Variants in RASSF8 observed in about 807,000 individuals in gnomAD.
RASSF8 encodes the protein ras association domain-containing protein 8.
A neutral mutation model predicts 48.5 loss-of-function variants in RASSF8; 22 were observed. The ratio of observed to expected loss-of-function variants is 0.45; its 90% CI spans 0.32 to 0.65. The LOEUF is 0.65. Among genes scored for constraint, RASSF8 ranks in the 30% least tolerant of loss-of-function variants. The probability of loss-of-function intolerance (pLI) is 0.03; values close to 1 mark genes in which losing one functional copy is unlikely to be tolerated. For missense variants in RASSF8, 418 were observed against 489.2 expected (o/e 0.85, Z 1.37); for synonymous variants, 127 against 171.5 (o/e 0.74, Z 2.03).
rs576368939 is a variant in RASSF8, at chr12:26,019,088, G to T, written c.-109+23958G>T. Among the ~76,000 whole-genome samples, 4 of 152,312 alleles carry T rather than the reference G, an allele frequency of 2.6e-5. No individual in the cohort carries two copies. In the East Asian group the frequency reaches 7.7e-4, roughly 29 times the overall value. On this transcript the variant is annotated intron_variant, in intron 2 of 5. Transcript: ENST00000689635. ...TTGCACAAAGGTGACTGAGTAGTTA[G>T]TTGGCTCAGGTTATTATGGAGTGAT...
At chr12:25,967,095 G>A (rs1941377081) in intron 1 of RASSF8, among the ~76,000 whole-genome samples, 1 of 152,158 alleles carries the variant, frequency 6.6e-6, no homozygotes, top group Admixed American at 6.5e-5. Context: ...TATTGTATCA[G>A]TTGATATACA....
At chr12:26,055,967 C>G (rs1190955697) in intron 3 of RASSF8, among the ~76,000 whole-genome samples, 1 of 152,182 alleles carries the variant, frequency 6.6e-6, no homozygotes, top group Non-Finnish European at 1.5e-5. Flanking sequence ...AGGCAGATCA[C>G]TTGAGGTCAG....
At position 26,047,647 on chromosome 12, in the gene RASSF8, A is replaced by T. The variant is rs562842310; in HGVS notation, c.-108-7589A>T. ...GGCTGCCAGCTATGAAAGGCGAGAC[A>T]TATTAATGCTTTGAATGAAACTATG... is the stretch of plus-strand genomic sequence containing the variant. On this transcript the variant is annotated intron_variant, in intron 2 of 5. Coordinates refer to ENST00000689635, the MANE Select transcript of RASSF8 (RefSeq NM_001394098.1). Among the ~76,000 whole-genome samples the T allele has an allele frequency of 3.9e-5, 6 of 152,144 alleles. No homozygotes were observed. The South Asian group carries it at 1.2e-3, about 31-fold the overall frequency.
intron 2 of RASSF8, among the ~76,000 whole-genome samples, chr12:26,047,217 G>T (rs1591797848): frequency 6.6e-6 from 1 of 152,106 alleles, no homozygotes; most frequent in African/African-American, 2.4e-5. Context: ...GAGCCCAATG[G>T]TATATTATTT....
intron 2 of RASSF8, among the ~76,000 whole-genome samples, chr12:26,047,527 G>A (rs747135884): frequency 2.6e-5 from 4 of 152,132 alleles, no homozygotes; most frequent in African/African-American, 4.8e-5. Context: ...TGGCTCTGCC[G>A]TCACCTGTGC....
intron 1 of RASSF8, among the ~76,000 whole-genome samples, chr12:25,994,401 A>G (rs778363824): frequency 1.3e-5 from 2 of 152,170 alleles, no homozygotes; most frequent in Non-Finnish European, 2.9e-5. Context: ...AATTGCGTCA[A>G]TTCCCATCTT....
At chr12:26,061,324 G>T (rs1332788079) in intron 3 of RASSF8, among the ~76,000 whole-genome samples, 2 of 151,978 alleles carry the variant, frequency 1.3e-5, no homozygotes, top group Non-Finnish European at 2.9e-5. Flanking sequence ...CTGTTATCCT[G>T]TTTTCTTTTA....
rs200486102 is a variant in RASSF8 at position 26,055,380 on chromosome 12, A to G, written c.37A>G (p.Ile13Val). ...LKVWVDGVQR[I>V]VCGVTEVTTC... ...AGTATGGGTGGATGGAGTTCAGAGG[A>G]TTGTTTGTGGAGTCACTGAAGTCAC... is the stretch of plus-strand genomic sequence containing the variant. The change falls in exon 3 of 6, where the codon ATT becomes GTT. Residue 13 changes from isoleucine to valine, a missense_variant. Transcript: ENST00000689635. 2 of 1,614,074 alleles carry G rather than the reference A, an allele frequency of 1.2e-6. No homozygotes were observed. The highest frequency in any genetic ancestry group is 1.7e-6 in the Non-Finnish European group (2 of 1,179,966).
At chr12:25,992,583 T>C (rs947753173) in intron 1 of RASSF8, among the ~76,000 whole-genome samples, 1 of 152,106 alleles carries the variant, frequency 6.6e-6, no homozygotes, top group African/African-American at 2.4e-5. Flanking sequence ...AGTTGGAGTT[T>C]GGCCAGCACA....
chr12:26,044,668 A>C (rs16929950), intron 2 of RASSF8, among the ~76,000 whole-genome samples: 5,863 of 152,258 alleles, frequency 0.039, 528 homozygotes, highest in East Asian at 0.27. Flanking sequence ...ATAGAGTACC[A>C]CTTTAATCAG....
At chr12:26,003,408 CT>C (rs1332122244) in intron 2 of RASSF8, among the ~76,000 whole-genome samples, 2 of 151,748 alleles carry the variant, frequency 1.3e-5, no homozygotes, top group East Asian at 3.9e-4. Context: ...TATTGCAGAC[CT>C]TTGTCTCTGT....
In RASSF8 at chr12:26,021,184, C is replaced by CA. The variant is rs529613137; in HGVS notation, c.-109+26064dup. ...AAACATAATTGGTAAAAACTATTTT[C>CA]AAAAAAAAAATAATAAAATTACTGG... On this transcript the variant is annotated intron_variant, in intron 2 of 5. Transcript: ENST00000689635. 4.1e-3 allele frequency among the ~76,000 whole-genome samples: 602 copies of CA among 147,772 alleles called. 1 individual carries two copies. The highest frequency in any genetic ancestry group is 8.1e-3 in the Admixed American group (121 of 14,908).
At chr12:25,971,371 C>G (rs952796520) in intron 1 of RASSF8, among the ~76,000 whole-genome samples, 8 of 152,168 alleles carry the variant, frequency 5.3e-5, no homozygotes, top group Non-Finnish European at 1.2e-4. Flanking sequence ...TGGTTATGCA[C>G]AGCCTTTCTG....
intron 2 of RASSF8, among the ~76,000 whole-genome samples, chr12:26,006,218 C>T (rs1319242628): frequency 1.3e-5 from 2 of 152,164 alleles, no homozygotes; most frequent in African/African-American, 4.8e-5. Flanking sequence ...TTCAGGATGT[C>T]CCAAGGAACT....
chr12:25,991,031 A>G (rs893211218), intron 1 of RASSF8, among the ~76,000 whole-genome samples: 3 of 152,302 alleles, frequency 2.0e-5, no homozygotes, highest in Middle Eastern at 3.4e-3. Context: ...TAACCAGAGC[A>G]ATAAACTCTT....
At chr12:26,000,268 T>C (rs1942224438) in intron 2 of RASSF8, among the ~76,000 whole-genome samples, 1 of 152,132 alleles carries the variant, frequency 6.6e-6, no homozygotes, top group Non-Finnish European at 1.5e-5. Flanking sequence ...AATGTAAAAA[T>C]GTAGTAATAC....
chr12:25,965,259 A>C (rs1232806738), intron 1 of RASSF8, among the ~76,000 whole-genome samples: 1 of 151,846 alleles, frequency 6.6e-6, no homozygotes, highest in Non-Finnish European at 1.5e-5. Flanking sequence ...CTTTATTGAG[A>C]TATCATTGAC....
Position 26,070,992 on chromosome 12 carries a change from TC to T in RASSF8, c.*2175del, listed in dbSNP as rs1943987522. 6.1e-6 allele frequency: 6 copies of T among 984,990 alleles called. No homozygotes were observed. The Admixed American group carries it at 3.7e-4, about 61-fold the overall frequency. 61.0% of individuals were successfully genotyped at this position (984,990 alleles called of 1,614,324 possible). Reference sequence around the variant, plus strand: ...TCCCAGCAGAGTATCACAGTTAACCTCTCTGACAACTTCATCAGAATTTCCA... The same window carrying T: ...TCCCAGCAGAGTATCACAGTTAACCTTCTGACAACTTCATCAGAATTTCCA... On this transcript the variant is annotated 3_prime_UTR_variant, in exon 6 of 6. Transcript: ENST00000689635.
intron 2 of RASSF8, among the ~76,000 whole-genome samples, chr12:26,045,436 A>G (rs1369831236): frequency 6.6e-6 from 1 of 152,104 alleles, no homozygotes; most frequent in African/African-American, 2.4e-5. Flanking sequence ...ATTTTCCTTA[A>G]TCTTACATAT....
Sources: gnomAD v4.1 joint callset for allele counts (sites outside exome capture counted in the v4.1 genomes callset) on GRCh38, gnomAD v4.1.1 for gene constraint, MANE v1.5 for transcripts, NCBI Gene and HGNC (gene_info 2026-07-23, HGNC 2026-07-21) for gene names.